CNTNAP5: variants seen among roughly 807,000 people sequenced by gnomAD.
CNTNAP5 encodes contactin-associated protein-like 5.
A neutral mutation model predicts 150.2 loss-of-function variants in CNTNAP5; 72 were observed. The observed-to-expected ratio is 0.48, with a 90% CI of 0.40 to 0.58. The LOEUF is 0.58. CNTNAP5 is among the 20% of genes least tolerant of loss of function. CNTNAP5 has a pLI of 0.00. For synonymous variants in CNTNAP5, 672 were observed against 619.8 expected (o/e 1.08, Z -1.25); for missense variants, 1,636 against 1,626.2 (o/e 1.01, Z -0.10).
chr2:124,221,372 T>A (rs551569036), intron 1 of CNTNAP5, among the ~76,000 whole-genome samples: 3 of 152,270 alleles, frequency 2.0e-5, no homozygotes, highest in East Asian at 3.9e-4. Context: ...TTTGCTCAAG[T>A]GGCTTATTGA....
chr2:124,542,069 A>G (rs933894890), intron 10 of CNTNAP5, among the ~76,000 whole-genome samples: 7 of 151,882 alleles, frequency 4.6e-5, no homozygotes, highest in Non-Finnish European at 1.0e-4. Context: ...CCCCAAATGC[A>G]TACGTTATTG....
intron 10 of CNTNAP5, among the ~76,000 whole-genome samples, chr2:124,530,590 T>C (rs1331108335): frequency 6.6e-6 from 1 of 152,196 alleles, no homozygotes; most frequent in African/African-American, 2.4e-5. Context: ...CCAAATCTTC[T>C]GGCTCCTGGG....
At chr2:124,762,482 G>C (rs574654865) in intron 14 of CNTNAP5, among the ~76,000 whole-genome samples, 2 of 152,150 alleles carry the variant, frequency 1.3e-5, no homozygotes, top group Non-Finnish European at 2.9e-5. Context: ...CAGGAACAAA[G>C]ATTAGAACTA....
intron 2 of CNTNAP5, among the ~76,000 whole-genome samples, chr2:124,235,764 A>G (rs1373987005): frequency 6.6e-6 from 1 of 152,148 alleles, no homozygotes; most frequent in African/African-American, 2.4e-5. Flanking sequence ...GCCATCAACT[A>G]TAATAACCGG....
chr2:124,057,711 G>T (rs1048167661), intron 1 of CNTNAP5, among the ~76,000 whole-genome samples: 8 of 151,620 alleles, frequency 5.3e-5, no homozygotes, highest in Non-Finnish European at 7.4e-5. Flanking sequence ...TACTTTACCA[G>T]AATGAATCTT....
chr2:124,856,977 C>T (rs1319158496), intron 19 of CNTNAP5, among the ~76,000 whole-genome samples: 1 of 152,138 alleles, frequency 6.6e-6, no homozygotes, highest in African/African-American at 2.4e-5. Context: ...GGCTGTGGCT[C>T]ATGGGGCTCA....
At chr2:124,632,521 G>A (rs926873800) in intron 12 of CNTNAP5, among the ~76,000 whole-genome samples, 1 of 152,094 alleles carries the variant, frequency 6.6e-6, no homozygotes, top group Admixed American at 6.5e-5. Flanking sequence ...CGTGGGCACA[G>A]GGAGGGGAAC....
At chr2:124,341,199 A>G (rs1322425248) in intron 3 of CNTNAP5, among the ~76,000 whole-genome samples, 1 of 152,128 alleles carries the variant, frequency 6.6e-6, no homozygotes. Flanking sequence ...GTTTTAAGAC[A>G]CTTGCATTTC....
intron 1 of CNTNAP5, among the ~76,000 whole-genome samples, chr2:124,147,949 C>T (rs543187920): frequency 3.0e-4 from 45 of 152,250 alleles, no homozygotes; most frequent in African/African-American, 8.2e-4. Context: ...TTAGCCTTTG[C>T]GAACACGATG....
chr2:124,474,937 T>A, intron 7 of CNTNAP5, 55 bp downstream of exon 7: 1 of 1,500,590 alleles, frequency 6.7e-7, no homozygotes, highest in Non-Finnish European at 9.0e-7. Flanking sequence ...GGGGTAAGTC[T>A]TGCTTTCACC....
At chr2:124,577,249 T>C (rs1415826345) in intron 11 of CNTNAP5, among the ~76,000 whole-genome samples, 1 of 152,182 alleles carries the variant, frequency 6.6e-6, no homozygotes, top group Non-Finnish European at 1.5e-5. Flanking sequence ...CTGAAATCAC[T>C]GGATTCAGAA....
chr2:124,828,803 G>A (rs1253523028), intron 19 of CNTNAP5, among the ~76,000 whole-genome samples: 1 of 105,054 alleles, frequency 9.5e-6, no homozygotes, highest in East Asian at 3.4e-4. Flanking sequence ...AGTAAGTTTT[G>A]TTCAAAAGTC....
At chr2:124,663,247 G>A (rs925206002) in intron 13 of CNTNAP5, among the ~76,000 whole-genome samples, 4 of 152,136 alleles carry the variant, frequency 2.6e-5, no homozygotes, top group African/African-American at 7.2e-5. Context: ...CAGCCATGTC[G>A]CCAGCTGCCC....
At chr2:124,733,936 A>T (rs2105130159) in intron 13 of CNTNAP5, among the ~76,000 whole-genome samples, 1 of 152,188 alleles carries the variant, frequency 6.6e-6, no homozygotes, top group East Asian at 1.9e-4. Flanking sequence ...TGTTTGTTGA[A>T]TAGAGTATTA....
chr2:124,119,782 A>G (rs2104714793), intron 1 of CNTNAP5, among the ~76,000 whole-genome samples: 1 of 152,304 alleles, frequency 6.6e-6, no homozygotes, highest in South Asian at 2.1e-4. Flanking sequence ...ATAACATTTT[A>G]TTTAATAAAG....
At position 124,747,289 on chromosome 2, in the gene CNTNAP5, G is replaced by A. The variant is rs1680624141; in HGVS notation, c.2138G>A (p.Gly713Asp). Reference sequence around the variant, plus strand: ...AATGAAAGGCACCCTTACTGGGGAGGTTCCCCTCCTGGGGTCCAGCAGTGT... The same window carrying A: ...AATGAAAGGCACCCTTACTGGGGAGATTCCCCTCCTGGGGTCCAGCAGTGT... ...RSNERHPYWG[G>D]SPPGVQQCEC... The change falls in exon 14 of 24, where the codon GGT becomes GAT. Residue 713 changes from glycine (G) to aspartate (D), a missense_variant. Gly to Asp is a moderately conservative substitution (Grantham distance 94). Transcript: ENST00000682447. 1 of 1,613,646 alleles carries A rather than the reference G, an allele frequency of 6.2e-7. No homozygotes were observed. Among genetic ancestry groups the A allele is most frequent in the Non-Finnish European group, 8.5e-7 (1 of 1,179,774 alleles).
chr2:124,654,653 G>A (rs1016929289), intron 13 of CNTNAP5, among the ~76,000 whole-genome samples: 9 of 152,062 alleles, frequency 5.9e-5, no homozygotes, highest in South Asian at 2.1e-4. Flanking sequence ...TTGGAGGTCC[G>A]CGTCAGAGAG....
chr2:124,213,367 G>T lies in CNTNAP5; in HGVS notation c.83-8338G>T, dbSNP rs539255827. On this transcript the variant is annotated intron_variant, in intron 1 of 23. Coordinates refer to ENST00000682447, the MANE Select transcript of CNTNAP5 (RefSeq NM_001367498.1). ...CATAATATTTGGATAGTCAGAACTA[G>T]AATCAAATCGTGAGAAAGAGAAAAT... is the stretch of plus-strand genomic sequence containing the variant. Among the ~76,000 whole-genome samples, 4 of 152,276 alleles carry T rather than the reference G, an allele frequency of 2.6e-5. No homozygotes were observed. The South Asian group carries it at 8.3e-4, about 32-fold the overall frequency.
At chr2:124,713,321 T>TTCTC (rs1558746960) in intron 13 of CNTNAP5, among the ~76,000 whole-genome samples, 2 of 36,226 alleles carry the variant, frequency 5.5e-5, no homozygotes, top group Admixed American at 7.7e-4. Context: ...TTTCTTTCCT[T>TTCTC]TCTTTCTTTC....
Sources: allele counts gnomAD v4.1 joint callset (sites outside exome capture counted in the v4.1 genomes callset), GRCh38; gene constraint gnomAD v4.1.1; transcripts MANE v1.5; gene names NCBI Gene and HGNC (gene_info 2026-07-23, HGNC 2026-07-21).